Variants in ADCY5 observed in about 807,000 individuals in gnomAD.
ADCY5 encodes the protein adenylate cyclase 5.
ADCY5 carries 30 observed loss-of-function variants against 119.7 expected under a neutral mutation model. The observed-to-expected ratio is 0.25, with a 90% CI of 0.19 to 0.34. The LOEUF is 0.34. Ranked by LOEUF, ADCY5 falls within the 10% of genes least tolerant of loss-of-function variation. The pLI is 1.00. For synonymous variants in ADCY5, 753 were observed against 762.2 expected, an observed-to-expected ratio of 0.99 and a Z score of 0.20; for missense variants, 1,324 against 1,775.2, an observed-to-expected ratio of 0.75 and a Z score of 4.57.
intron 17 of ADCY5, among the ~76,000 whole-genome samples, chr3:123,293,507 G>T (rs1939298206): frequency 6.6e-6 from 1 of 151,618 alleles, no homozygotes; most frequent in African/African-American, 2.4e-5. Flanking sequence ...GTAGACACAG[G>T]CTCACTCACA....
intron 1 of ADCY5, among the ~76,000 whole-genome samples, chr3:123,355,020 G>T (rs536759372): frequency 1.3e-5 from 2 of 152,260 alleles, no homozygotes; most frequent in South Asian, 4.2e-4. Context: ...GTGAAAGACT[G>T]AATGCCTTCC....
At chr3:123,356,639 T>C (rs939833118) in intron 1 of ADCY5, among the ~76,000 whole-genome samples, 7 of 152,114 alleles carry the variant, frequency 4.6e-5, no homozygotes, top group African/African-American at 1.7e-4. Context: ...TCACACACTA[T>C]TAGAATGGCT....
chr3:123,421,054 C>T (rs1945293742), intron 1 of ADCY5, among the ~76,000 whole-genome samples: 2 of 152,168 alleles, frequency 1.3e-5, no homozygotes, highest in African/African-American at 4.8e-5. Context: ...ACCCTGATGA[C>T]ATCTTAACAT....
At chr3:123,306,945 G>A (rs1299456505) in intron 12 of ADCY5, among the ~76,000 whole-genome samples, 1 of 152,180 alleles carries the variant, frequency 6.6e-6, no homozygotes, top group Non-Finnish European at 1.5e-5. Flanking sequence ...CATGCTACAT[G>A]GATGAACCTT....
Position 123,448,068 on chromosome 3 carries a change from G to T in ADCY5, c.478C>A (p.Leu160Met). 8.0e-7 allele frequency: 1 copy of T among 1,245,528 alleles called. No individual in the cohort carries two copies. The highest frequency in any genetic ancestry group is 2.6e-5 in the South Asian group (1 of 38,098). The allele number at this position is 1,245,528 out of a possible 1,614,324, so 77.2% of individuals were successfully genotyped here. A position where few individuals can be genotyped will look rare whatever the true frequency, so the allele number is the denominator to read the frequency against. Residue 160 changes from leucine to methionine, a missense_variant, in exon 1 of 21, where the codon CTG becomes ATG. Around this residue, in one of 6 missense-constraint regions of ADCY5, gnomAD observed 585 missense variants for 569.9 expected, o/e 1.03. Transcript: ENST00000462833. ...CGCCCCTTGCCCCGCCGCTCCTCCA[G>T]ACCCACCTCCACCGAGCGAGGGCGC... ...EVRPRSVEVGLEERRGKGRAA... is the reference protein window; with the variant it reads ...EVRPRSVEVGMEERRGKGRAA...
At chr3:123,446,402 G>A (rs1425445796) in intron 1 of ADCY5, among the ~76,000 whole-genome samples, 1 of 152,208 alleles carries the variant, frequency 6.6e-6, no homozygotes, top group East Asian at 1.9e-4. Context: ...GAAGAGACTT[G>A]CCTGTAGCAA....
intron 11 of ADCY5, among the ~76,000 whole-genome samples, chr3:123,316,144 GAGA>G (rs1361899855): frequency 6.6e-6 from 1 of 152,124 alleles, no homozygotes; most frequent in Non-Finnish European, 1.5e-5. Flanking sequence ...ATGGTACATG[GAGA>G]AGGACACATC....
intron 3 of ADCY5, among the ~76,000 whole-genome samples, chr3:123,347,292 G>A (rs979469663): frequency 1.3e-5 from 2 of 152,088 alleles, no homozygotes; most frequent in African/African-American, 2.4e-5. Flanking sequence ...TCTATCAACC[G>A]GGTGTGTTGA....
intron 1 of ADCY5, among the ~76,000 whole-genome samples, chr3:123,423,460 G>A (rs944761330): frequency 1.1e-4 from 16 of 152,154 alleles, no homozygotes; most frequent in Admixed American, 2.6e-4. Context: ...ATCTTTAGGC[G>A]CCGAGGACTG....
intron 1 of ADCY5, among the ~76,000 whole-genome samples, chr3:123,435,198 T>A (rs1576695356): frequency 6.6e-6 from 1 of 152,096 alleles, no homozygotes; most frequent in South Asian, 2.1e-4. Flanking sequence ...GATGGAAGAA[T>A]CATCTGAGCT....
chr3:123,327,710 C>T lies in ADCY5; in HGVS notation c.1855G>A (p.Glu619Lys), dbSNP rs571136152. The change falls in exon 7 of 21, where the codon GAG becomes AAG. Residue 619 changes from glutamate to lysine, a missense_variant. This residue lies in a region of ADCY5 where 424 missense variants were observed against 546.8 expected (regional missense o/e 0.78). Transcript: ENST00000462833. ...TCGCCCCCACAGCCTGGCTCCACCT[C>T]GTAGTCCCCATTCAGGTAGTTGAGT... is the stretch of plus-strand genomic sequence containing the variant. ...ATLNYLNGDYEVEPGCGGERN... is the reference protein window; with the variant it reads ...ATLNYLNGDYKVEPGCGGERN... The T allele has an allele frequency of 5.6e-6, 9 of 1,613,906 alleles. No individual in the cohort carries two copies. Among genetic ancestry groups the T allele is most frequent in the Admixed American group, 1.7e-5 (1 of 59,978 alleles).
chr3:123,443,588 T>C (rs985611536), intron 1 of ADCY5, among the ~76,000 whole-genome samples: 1 of 152,140 alleles, frequency 6.6e-6, no homozygotes, highest in Non-Finnish European at 1.5e-5. Context: ...TCACAGAATT[T>C]CACCCACACA....
chr3:123,429,571 G>T (rs1261561116), intron 1 of ADCY5, among the ~76,000 whole-genome samples: 1 of 152,118 alleles, frequency 6.6e-6, no homozygotes, highest in Non-Finnish European at 1.5e-5. Flanking sequence ...TTCACTCGGG[G>T]CCTGGAGTTC....
At chr3:123,415,606 G>A (rs1358488297) in intron 1 of ADCY5, among the ~76,000 whole-genome samples, 1 of 152,226 alleles carries the variant, frequency 6.6e-6, no homozygotes, top group Non-Finnish European at 1.5e-5. Flanking sequence ...ATGTCCCACA[G>A]CGCCTCTGTG....
At chr3:123,304,417 C>T (rs776926005) in intron 12 of ADCY5, among the ~76,000 whole-genome samples, 6 of 152,082 alleles carry the variant, frequency 3.9e-5, no homozygotes, top group East Asian at 1.9e-4. Flanking sequence ...AGCGGGACTA[C>T]GTGGGGAACC....
intron 2 of ADCY5, among the ~76,000 whole-genome samples, chr3:123,350,547 G>A (rs1001817565): frequency 6.6e-6 from 1 of 152,220 alleles, no homozygotes; most frequent in Non-Finnish European, 1.5e-5. Flanking sequence ...CTGAGGGCCA[G>A]GAGGGGTGGG....
At chr3:123,386,872 C>CCGTCAG (rs1253097784) in intron 1 of ADCY5, among the ~76,000 whole-genome samples, 1 of 152,150 alleles carries the variant, frequency 6.6e-6, no homozygotes, top group Non-Finnish European at 1.5e-5. Context: ...GGTCTTAAGC[C>CCGTCAG]CGTCAGCGTG....
intron 10 of ADCY5, 64 bp downstream of exon 10, chr3:123,319,610 C>T: frequency 6.3e-7 from 1 of 1,587,988 alleles, no homozygotes; most frequent in Non-Finnish European, 8.6e-7. Context: ...CTCCTGTTTT[C>T]TTGCCCTCCT....
At chr3:123,350,932 T>C (rs1942811361) in intron 2 of ADCY5, among the ~76,000 whole-genome samples, 1 of 152,028 alleles carries the variant, frequency 6.6e-6, no homozygotes, top group Non-Finnish European at 1.5e-5. Flanking sequence ...TGAGGGGCTT[T>C]TCAGGAATGC....
Sources: gnomAD v4.1 joint callset for allele counts (sites outside exome capture counted in the v4.1 genomes callset) on GRCh38, gnomAD v4.1.1 for gene constraint, gnomAD v4.1.1 regional missense constraint, MANE v1.5 for transcripts, NCBI Gene and HGNC (gene_info 2026-07-23, HGNC 2026-07-21) for gene names.